Variants in NOL4 observed in about 807,000 individuals in gnomAD.
NOL4 encodes the protein cancer/testis antigen 125.
In NOL4, 17 loss-of-function variants were observed where a neutral mutation model predicts 75.9. The observed-to-expected ratio is 0.22, with a 90% CI of 0.15 to 0.34. NOL4 has a LOEUF of 0.34. Ranked by LOEUF, NOL4 falls within the 10% of genes least tolerant of loss-of-function variation. NOL4 has a pLI of 1.00. For synonymous variants in NOL4, 292 were observed against 289.9 expected (o/e 1.01, Z -0.07); for missense variants, 614 against 793.5 (o/e 0.77, Z 2.72).
At chr18:33,899,696 C>G (rs908739477) in intron 9 of NOL4, among the ~76,000 whole-genome samples, 9 of 152,158 alleles carry the variant, frequency 5.9e-5, no homozygotes, top group African/African-American at 2.2e-4. Flanking sequence ...CTGGTGTTTA[C>G]AGCCGGGAAC....
intron 9 of NOL4, among the ~76,000 whole-genome samples, chr18:33,893,903 A>G (rs998980352): frequency 6.6e-6 from 1 of 152,180 alleles, no homozygotes; most frequent in Non-Finnish European, 1.5e-5. Flanking sequence ...CCACTGTAAA[A>G]TAGTAAACAA....
intron 5 of NOL4, among the ~76,000 whole-genome samples, chr18:34,091,427 G>C (rs1292843281): frequency 1.3e-5 from 2 of 151,886 alleles, no homozygotes; most frequent in Non-Finnish European, 2.9e-5. Flanking sequence ...CCCCTCTTTG[G>C]ATCCTGCCAC....
intron 9 of NOL4, among the ~76,000 whole-genome samples, chr18:33,928,175 CA>C (rs1555660964): frequency 3.3e-5 from 5 of 152,114 alleles, no homozygotes; most frequent in Non-Finnish European, 5.9e-5. Flanking sequence ...ATAACATTAA[CA>C]AAGATGTTGT....
At chr18:34,142,443 A>G (rs1465345093) in intron 1 of NOL4, among the ~76,000 whole-genome samples, 2 of 152,216 alleles carry the variant, frequency 1.3e-5, no homozygotes, top group South Asian at 2.1e-4. Flanking sequence ...AATGTCCATC[A>G]ATGATAGACT....
chr18:33,902,773 C>T (rs919477737), intron 9 of NOL4, among the ~76,000 whole-genome samples: 6 of 151,936 alleles, frequency 3.9e-5, no homozygotes, highest in African/African-American at 7.2e-5. Flanking sequence ...TTGCCTTTTT[C>T]GTAACTGGCC....
At chr18:34,160,515 C>T (rs1422392596) in intron 1 of NOL4, among the ~76,000 whole-genome samples, 1 of 152,002 alleles carries the variant, frequency 6.6e-6, no homozygotes, top group Non-Finnish European at 1.5e-5. Flanking sequence ...AGCTAACTAG[C>T]ACCTATGGCA....
intron 9 of NOL4, among the ~76,000 whole-genome samples, chr18:33,923,708 C>T (rs1188134619): frequency 6.6e-6 from 1 of 151,970 alleles, no homozygotes; most frequent in Non-Finnish European, 1.5e-5. Context: ...CACTTCAAAT[C>T]GTTATCTTTT....
At chr18:34,183,125 A>G (rs758929182) in intron 1 of NOL4, among the ~76,000 whole-genome samples, 19 of 151,860 alleles carry the variant, frequency 1.3e-4, no homozygotes, top group Non-Finnish European at 2.4e-4. Context: ...TAAGTTACAG[A>G]GTAGGAGGAA....
At chr18:34,016,506 T>C (rs562635375) in intron 6 of NOL4, among the ~76,000 whole-genome samples, 2 of 152,226 alleles carry the variant, frequency 1.3e-5, no homozygotes, top group South Asian at 4.1e-4. Flanking sequence ...ACTTGTTCTC[T>C]GCTGCAGCCA....
At chr18:33,954,052 T>C (rs150755208) in intron 8 of NOL4, among the ~76,000 whole-genome samples, 248 of 152,282 alleles carry the variant, frequency 1.6e-3, no homozygotes, top group African/African-American at 5.6e-3. Flanking sequence ...CTTTGGTATC[T>C]GTGTGGGATT....
At chr18:34,033,601 G>C (rs1013033699) in intron 5 of NOL4, among the ~76,000 whole-genome samples, 2 of 152,082 alleles carry the variant, frequency 1.3e-5, no homozygotes, top group East Asian at 3.9e-4. Flanking sequence ...ATAAAGCAAA[G>C]AGAAAATTGA....
At chr18:34,132,720 CAA>C (rs2080709218) in intron 1 of NOL4, among the ~76,000 whole-genome samples, 1 of 138,360 alleles carries the variant, frequency 7.2e-6, no homozygotes, top group Non-Finnish European at 1.6e-5. Context: ...TCAACAAACC[CAA>C]AGTTTCAAAA....
At chr18:34,121,639 C>T (rs4327121) in intron 2 of NOL4, among the ~76,000 whole-genome samples, 139,029 of 152,300 alleles carry the variant, frequency 0.91, 63,668 homozygotes, top group African/African-American at 0.98. Context: ...TGTGAGATGA[C>T]GACAGTGCAC....
intron 6 of NOL4, among the ~76,000 whole-genome samples, chr18:34,007,473 G>T (rs1277213446): frequency 6.6e-6 from 1 of 151,896 alleles, no homozygotes; most frequent in African/African-American, 2.4e-5. Flanking sequence ...ATAGAAGAAG[G>T]TATAAATACC....
chr18:34,160,034 G>C (rs2031211275), intron 1 of NOL4, among the ~76,000 whole-genome samples: 1 of 152,100 alleles, frequency 6.6e-6, no homozygotes, highest in Non-Finnish European at 1.5e-5. Flanking sequence ...ATTTTGCTCA[G>C]AGCCCAACTG....
intron 1 of NOL4, among the ~76,000 whole-genome samples, chr18:34,151,146 G>A (rs891384599): frequency 6.6e-6 from 1 of 151,882 alleles, no homozygotes; most frequent in Non-Finnish European, 1.5e-5. Flanking sequence ...TTGGAAGAAA[G>A]TTTGGCACTT....
chr18:33,996,885 C>T (rs2073327443), intron 6 of NOL4, among the ~76,000 whole-genome samples: 1 of 151,548 alleles, frequency 6.6e-6, no homozygotes, highest in South Asian at 2.1e-4. Flanking sequence ...GTACATATGT[C>T]TTTTTGGTAA....
At chr18:34,046,814 TGAAG>T (rs2144899311) in intron 5 of NOL4, among the ~76,000 whole-genome samples, 1 of 151,664 alleles carries the variant, frequency 6.6e-6, no homozygotes, top group South Asian at 2.1e-4. Context: ...CCAAAATCTA[TGAAG>T]GGAGATAAGC....
rs551135004 is a variant in NOL4, at chr18:33,910,032, ATG to A, written c.1543-26610_1543-26609del. On this transcript the variant is annotated intron_variant, in intron 9 of 10. Transcript: ENST00000261592. ...GCTAAGTGCATGTGTGCGTGTACAT[ATG>A]TGTGTGTCCACACTACACAGAAATA... 1.9e-3 allele frequency among the ~76,000 whole-genome samples: 292 copies of A among 152,330 alleles called. 3 individuals are homozygous for A. Among genetic ancestry groups the A allele is most frequent in the Non-Finnish European group, 3.8e-3 (257 of 68,030 alleles).
Sources: gnomAD v4.1 joint callset for allele counts (sites outside exome capture counted in the v4.1 genomes callset) on GRCh38, gnomAD v4.1.1 for gene constraint, MANE v1.5 for transcripts, NCBI Gene and HGNC (gene_info 2026-07-23, HGNC 2026-07-21) for gene names.